GK5: variants seen among roughly 807,000 people sequenced by gnomAD.
GK5 encodes the protein ATP:glycerol 3-phosphotransferase 5.
A neutral mutation model predicts 77.3 loss-of-function variants in GK5; 39 were observed. That is an observed-to-expected ratio of 0.50 (90% CI 0.39 to 0.66). The LOEUF is 0.66. Ranked by LOEUF, GK5 falls within the 30% of genes least tolerant of loss-of-function variation. GK5 has a pLI of 0.00. For missense variants in GK5, 487 were observed against 633.8 expected, an observed-to-expected ratio of 0.77 and a Z score of 2.49; for synonymous variants, 211 against 208.0, an observed-to-expected ratio of 1.01 and a Z score of -0.13.
rs1342546449 is a variant in GK5 at position 142,159,851 on chromosome 3, C to CTTTTTTTTTTTTTTTTTT, written c.*5770_*5771insAAAAAAAAAAAAAAAAAA. ...GCTTTCTCTCTCTCTCTCTCTCTCT[C>CTTTTTTTTTTTTTTTTTT]TCTTTTTTTTTTTTGAGACAGAGTC... On this transcript the variant is annotated 3_prime_UTR_variant, in exon 16 of 16. Transcript: ENST00000392993. 2.3e-5 allele frequency: 2 copies of CTTTTTTTTTTTTTTTTTT among 86,976 alleles called. No homozygotes were observed. Among genetic ancestry groups the CTTTTTTTTTTTTTTTTTT allele is most frequent in the African/African-American group, 9.0e-5 (2 of 22,112 alleles). 5.4% of individuals were successfully genotyped at this position (86,976 alleles called of 1,614,324 possible). A position where few individuals can be genotyped will look rare whatever the true frequency, so the allele number is the denominator to read the frequency against.
chr3:142,204,616 G>C (rs138514177), intron 4 of GK5, 79 bp downstream of exon 4: 123 of 846,886 alleles, frequency 1.5e-4, no homozygotes, highest in African/African-American at 1.4e-3. Context: ...AAACAAAATA[G>C]GTAGGAAATA....
At chr3:142,166,998 A>G (rs1261978356) in intron 15 of GK5, among the ~76,000 whole-genome samples, 1 of 152,216 alleles carries the variant, frequency 6.6e-6, no homozygotes, top group Non-Finnish European at 1.5e-5. Context: ...TAAAACTGAC[A>G]CATTAAATTC....
rs746274154 is a variant in GK5, at chr3:142,185,840, TC to T, written c.816+88del. ...TTTAATCTTACTCTGCCAAAGACCT[TC>T]TGTTTCTCTTAAAGCTAGTCTCAAT... On this transcript the variant is annotated intron_variant, in intron 9 of 15. Transcript: ENST00000392993. The T allele has an allele frequency of 3.9e-5, 61 of 1,554,378 alleles. No homozygotes were observed. The South Asian group carries it at 5.1e-4, about 13-fold the overall frequency.
At chr3:142,184,986 C>T in intron 9 of GK5, 1 of 985,514 alleles carries the variant, frequency 1.0e-6, no homozygotes. Flanking sequence ...GATTTTGTAA[C>T]TTGGAAATTA....
Position 142,225,527 on chromosome 3 carries a change from TC to T in GK5, c.-73del, listed in dbSNP as rs1231805019. ...CGCTACAAATCCCAATGCTCCAGAG[TC>T]CCCGGGCGGCCCAACCCGGGCCCCA... On this transcript the variant is annotated 5_prime_UTR_variant, in exon 1 of 16. Transcript: ENST00000392993. 3.3e-6 allele frequency: 5 copies of T among 1,528,706 alleles called. No homozygotes were observed. The East Asian group carries it at 1.3e-4, about 39-fold the overall frequency. 94.7% of individuals were successfully genotyped at this position (1,528,706 alleles called of 1,614,324 possible). A position where few individuals can be genotyped will look rare whatever the true frequency, so the allele number is the denominator to read the frequency against.
intron 3 of GK5, among the ~76,000 whole-genome samples, chr3:142,209,995 G>T (rs1160711940): frequency 6.6e-6 from 1 of 151,856 alleles, no homozygotes; most frequent in Non-Finnish European, 1.5e-5. Flanking sequence ...AACCAAAATG[G>T]AAGTGTTATC....
At chr3:142,225,205 G>A (rs1202118248) in intron 1 of GK5, 104 bp downstream of exon 1, 22 of 1,278,976 alleles carry the variant, frequency 1.7e-5, no homozygotes, top group Non-Finnish European at 2.2e-5. Flanking sequence ...AGGTGGCCGC[G>A]TCCAGGGCGG....
intron 4 of GK5, among the ~76,000 whole-genome samples, chr3:142,200,228 G>A (rs918585573): frequency 6.6e-6 from 1 of 152,032 alleles, no homozygotes; most frequent in Non-Finnish European, 1.5e-5. Flanking sequence ...GAGTGCAATG[G>A]CGCAATCTCA....
chr3:142,224,721 G>A (rs1161750322), intron 1 of GK5, among the ~76,000 whole-genome samples: 3 of 152,130 alleles, frequency 2.0e-5, no homozygotes, highest in Admixed American at 1.3e-4. Flanking sequence ...AGTTGCTCAC[G>A]TAAGGAACCA....
In GK5 at chr3:142,180,464, G is replaced by A. The variant is rs112548664; in HGVS notation, c.1048+997C>T. Among the ~76,000 whole-genome samples, 511 of 151,868 alleles carry A rather than the reference G, an allele frequency of 3.4e-3. 4 individuals carry two copies. The highest frequency in any genetic ancestry group is 0.012 in the African/African-American group (479 of 41,438). On this transcript the variant is annotated intron_variant, in intron 11 of 15. Transcript: ENST00000392993. ...ATTACAGGCGCACACCACCATGCCC[G>A]GCTAATTTTGTATTTTTAGTAAAGA...
At chr3:142,222,633 T>G (rs1045227210) in intron 1 of GK5, among the ~76,000 whole-genome samples, 1 of 151,834 alleles carries the variant, frequency 6.6e-6, no homozygotes, top group African/African-American at 2.4e-5. Context: ...CTAGTCCTAG[T>G]GCAGTAACTC....
At chr3:142,191,820 C>G (rs1560221935) in intron 5 of GK5, among the ~76,000 whole-genome samples, 1 of 151,960 alleles carries the variant, frequency 6.6e-6, no homozygotes, top group Admixed American at 6.6e-5. Context: ...GACTCTGTCT[C>G]TAAATAAATA....
At position 142,213,157 on chromosome 3, in the gene GK5, G is replaced by A. The variant is rs1287661782; in HGVS notation, c.317+369C>T. ...CCGCTATAGACAAATATTAAATTTA[G>A]AGTAGACTGAAAATATAAACCATAG... On this transcript the variant is annotated intron_variant, in intron 3 of 15. Coordinates refer to ENST00000392993, the MANE Select transcript of GK5 (RefSeq NM_001039547.3). Among the ~76,000 whole-genome samples, 3 of 152,284 alleles carry A rather than the reference G, an allele frequency of 2.0e-5. No individual in the cohort carries two copies. In the East Asian group the frequency reaches 5.8e-4, roughly 29 times the overall value.
Position 142,157,873 on chromosome 3 carries a change from A to C in GK5, c.*7749T>G, listed in dbSNP as rs1560203260. On this transcript the variant is annotated 3_prime_UTR_variant, in exon 16 of 16. Coordinates refer to ENST00000392993, the MANE Select transcript of GK5 (RefSeq NM_001039547.3). Reference sequence around the variant, plus strand: ...AAACCCTTCTTGTCTAACCATATTAAGGCCCAAGTTTACCTAGAGTCACAA... The same window carrying C: ...AAACCCTTCTTGTCTAACCATATTACGGCCCAAGTTTACCTAGAGTCACAA... The C allele has an allele frequency of 6.6e-6, 1 of 152,124 alleles. No individual in the cohort carries two copies. Among genetic ancestry groups the C allele is most frequent in the African/African-American group, 2.4e-5 (1 of 41,424 alleles). 9.4% of individuals were successfully genotyped at this position (152,124 alleles called of 1,614,324 possible). A position where few individuals can be genotyped will look rare whatever the true frequency, so the allele number is the denominator to read the frequency against.
chr3:142,170,135 A>C, intron 15 of GK5, 190 bp downstream of exon 15: 1 of 696,682 alleles, frequency 1.4e-6, no homozygotes, highest in Admixed American at 2.0e-5. Context: ...TGAGGATAGA[A>C]GAGGTGCAAC....
chr3:142,165,803 G>C, intron 15 of GK5, 33 bp from the exon 16 acceptor site: 1 of 1,486,310 alleles, frequency 6.7e-7, no homozygotes, highest in Non-Finnish European at 9.1e-7. Context: ...CAAATTTTAA[G>C]GCAAATCATG....
intron 12 of GK5, among the ~76,000 whole-genome samples, chr3:142,177,268 A>G (rs141396461): frequency 1.1e-3 from 170 of 152,336 alleles, no homozygotes; most frequent in African/African-American, 3.2e-3. Flanking sequence ...CTACCAGCAC[A>G]AGCCAAGCCA....
At chr3:142,186,041 T>C in intron 8 of GK5, 52 bp from the exon 9 acceptor site, 1 of 1,444,574 alleles carries the variant, frequency 6.9e-7, no homozygotes, top group Non-Finnish European at 9.6e-7. Flanking sequence ...AATATTAGTT[T>C]TAAAACTCAG....
chr3:142,186,910 C>T (rs546762077), intron 6 of GK5, among the ~76,000 whole-genome samples: 5 of 152,212 alleles, frequency 3.3e-5, no homozygotes, highest in South Asian at 4.1e-4. Context: ...GGATTACAGA[C>T]GTAAACCACC....
Sources: gnomAD v4.1 joint callset for allele counts (sites outside exome capture counted in the v4.1 genomes callset) on GRCh38, gnomAD v4.1.1 for gene constraint, MANE v1.5 for transcripts, NCBI Gene and HGNC (gene_info 2026-07-23, HGNC 2026-07-21) for gene names.